The following SIN3A variants were observed in gnomAD, a reference collection of about 807,000 sequenced individuals.
SIN3A encodes the protein SIN3 transcription regulator family member A.
Under a neutral mutation model 146.1 loss-of-function variants are expected in SIN3A, and 14 were observed. The ratio of observed to expected loss-of-function variants is 0.10; its 90% confidence interval spans 0.06 to 0.15. The LOEUF (loss-of-function observed/expected upper bound fraction) is 0.15. Among genes scored for constraint, SIN3A ranks in the 10% least tolerant of loss-of-function variants. The pLI, the probability that SIN3A is intolerant of heterozygous loss-of-function variation, is 1.00. For synonymous variants in SIN3A, 572 were observed against 572.0 expected (o/e 1.00, Z 0.00); for missense variants, 1,028 against 1,576.0 (o/e 0.65, Z 5.89).
chr15:75,410,349 C>T lies in SIN3A; in HGVS notation c.1009-63G>A, dbSNP rs182595182. 2.2e-5 allele frequency: 33 copies of T among 1,506,734 alleles called. No individual in the cohort carries two copies. In the East Asian group the frequency reaches 5.4e-4, roughly 25 times the overall value. The allele number at this position is 1,506,734 out of a possible 1,614,324, so 93.3% of individuals were successfully genotyped here. On this transcript the variant is annotated intron_variant, in intron 6 of 20. Transcript: ENST00000394947. ...CTGTTTTGAGTCACTCATCTTTGCACGCTTTCTGGAATCACTGTTATCTAT... is the reference window on the plus strand; with the variant it reads ...CTGTTTTGAGTCACTCATCTTTGCATGCTTTCTGGAATCACTGTTATCTAT...
intron 1 of SIN3A, among the ~76,000 whole-genome samples, chr15:75,439,642 G>GC (rs1345677571): frequency 2.6e-5 from 4 of 151,840 alleles, no homozygotes; most frequent in Non-Finnish European, 5.9e-5. Context: ...ACCGCACCCG[G>GC]CCATCAATGC....
intron 9 of SIN3A, 73 bp from the exon 10 acceptor site, chr15:75,402,043 G>A: frequency 1.1e-6 from 1 of 946,944 alleles, no homozygotes; most frequent in Non-Finnish European, 1.7e-6. Context: ...GCCTCGCTCT[G>A]TCGCCCAGGA....
At chr15:75,448,808 C>T (rs1473813015) in intron 1 of SIN3A, among the ~76,000 whole-genome samples, 15 of 152,142 alleles carry the variant, frequency 9.9e-5, no homozygotes, top group Non-Finnish European at 1.6e-4. Flanking sequence ...TCTGCTCCCA[C>T]TGAAGATGTA....
At chr15:75,430,487 A>G (rs2073996405) in intron 1 of SIN3A, 79 bp from the exon 2 acceptor site, 2 of 1,122,538 alleles carry the variant, frequency 1.8e-6, no homozygotes, top group East Asian at 2.7e-5. Context: ...CAGTCACCCA[A>G]GTTTAGTAAA....
intron 1 of SIN3A, among the ~76,000 whole-genome samples, chr15:75,431,432 G>A (rs1317934055): frequency 1.3e-5 from 2 of 151,980 alleles, no homozygotes; most frequent in Non-Finnish European, 2.9e-5. Flanking sequence ...ATCTACTTGG[G>A]TCTTCAGAGC....
At position 75,411,688 on chromosome 15, in the gene SIN3A, G is replaced by A. The variant is rs968419127; in HGVS notation, c.812C>T (p.Pro271Leu). 1.1e-5 allele frequency: 17 copies of A among 1,613,430 alleles called. No individual in the cohort carries two copies. Among genetic ancestry groups the A allele is most frequent in the Non-Finnish European group, 1.3e-5 (15 of 1,179,458 alleles). ...CGGCGGAGAACGTGGGGATGCATAC[G>A]GTGGAAGTGGGGGAGTCTGCTGACT... The part of the protein sequence containing the change: ...PASQQTPPLP[P>L]YASPRSPPVQ... The change falls in exon 6 of 21, where the codon CCG becomes CTG. Residue 271 changes from proline to leucine, a missense_variant. By Grantham distance (98) the Pro-to-Leu change is moderately conservative. This residue lies in a region of SIN3A where 112 missense variants were observed against 135.7 expected (regional missense o/e 0.83). Coordinates refer to ENST00000394947, the MANE Select transcript of SIN3A (RefSeq NM_001145358.2).
chr15:75,395,737 A>T (rs558962937), intron 13 of SIN3A, among the ~76,000 whole-genome samples: 1 of 151,710 alleles, frequency 6.6e-6, no homozygotes, highest in South Asian at 2.1e-4. Context: ...CATCTCTATT[A>T]AAAAAAATAA....
chr15:75,424,252 T>G (rs565474688), intron 2 of SIN3A, among the ~76,000 whole-genome samples: 58 of 151,950 alleles, frequency 3.8e-4, no homozygotes, highest in African/African-American at 1.3e-3. Flanking sequence ...CTGACCAACA[T>G]GGAGAAACCC....
In SIN3A at chr15:75,425,505, C is replaced by T. The variant is rs530950099; in HGVS notation, c.190-2682G>A. The stretch of plus-strand genomic sequence containing the variant: ...TTTGCTTATCTTGATTTGCTACGAG[C>T]ACTGTATCTAATGTAAAATAAATTT... On this transcript the variant is annotated intron_variant, in intron 2 of 20. Transcript: ENST00000394947. 2.0e-5 allele frequency among the ~76,000 whole-genome samples: 3 copies of T among 152,270 alleles called. No homozygotes were observed. The South Asian group carries it at 6.2e-4, about 32-fold the overall frequency.
chr15:75,402,199 C>A (rs2073424726), intron 9 of SIN3A, among the ~76,000 whole-genome samples: 1 of 151,970 alleles, frequency 6.6e-6, no homozygotes, highest in Admixed American at 6.6e-5. Context: ...AGCTGCCCTG[C>A]CATTAGTTTT....
intron 13 of SIN3A, 42 bp from the exon 14 acceptor site, chr15:75,394,905 A>C: frequency 1.3e-6 from 2 of 1,574,460 alleles, no homozygotes; most frequent in Non-Finnish European, 1.7e-6. Context: ...ATGGGAATTC[A>C]GAGGGTTTAG....
chr15:75,396,114 C>G, intron 13 of SIN3A, 144 bp downstream of exon 13: 2 of 667,322 alleles, frequency 3.0e-6, no homozygotes, highest in Non-Finnish European at 5.3e-6. Flanking sequence ...AAGTTCCATT[C>G]TGCACCTGAA....
chr15:75,378,935 C>T (rs948475977), intron 19 of SIN3A, among the ~76,000 whole-genome samples: 8 of 151,374 alleles, frequency 5.3e-5, no homozygotes, highest in African/African-American at 7.3e-5. Flanking sequence ...GAGTCTCACT[C>T]GGTCACCCAG....
chr15:75,377,053 C>T (rs1471373522), intron 19 of SIN3A, among the ~76,000 whole-genome samples: 1 of 152,084 alleles, frequency 6.6e-6, no homozygotes, highest in African/African-American at 2.4e-5. Context: ...GTGTTGACAT[C>T]TGCACTGGCA....
intron 1 of SIN3A, among the ~76,000 whole-genome samples, chr15:75,442,534 T>C (rs2141616395): frequency 6.6e-6 from 1 of 150,684 alleles, no homozygotes; most frequent in South Asian, 2.1e-4. Flanking sequence ...TGCCAGTTAC[T>C]TGGGGGAACT....
At chr15:75,398,404 A>G (rs1253867297) in intron 12 of SIN3A, among the ~76,000 whole-genome samples, 1 of 152,198 alleles carries the variant, frequency 6.6e-6, no homozygotes, top group Non-Finnish European at 1.5e-5. Flanking sequence ...GGACAGGCGC[A>G]GTGGCTCACA....
intron 19 of SIN3A, among the ~76,000 whole-genome samples, chr15:75,380,103 T>A (rs1460033920): frequency 6.6e-6 from 1 of 152,244 alleles, no homozygotes; most frequent in African/African-American, 2.4e-5. Flanking sequence ...CCTAGATGAC[T>A]ACATCTCAAT....
intron 16 of SIN3A, among the ~76,000 whole-genome samples, chr15:75,387,829 A>T (rs913380749): frequency 6.6e-6 from 1 of 152,164 alleles, no homozygotes; most frequent in Non-Finnish European, 1.5e-5. Flanking sequence ...AGGGAAGTTA[A>T]GGAAGATTAG....
chr15:75,414,675 A>G (rs1034212437), intron 3 of SIN3A, among the ~76,000 whole-genome samples: 1 of 152,246 alleles, frequency 6.6e-6, no homozygotes, highest in Non-Finnish European at 1.5e-5. Flanking sequence ...CCTCGTCTAT[A>G]GACATTTGTT....
Sources: allele counts gnomAD v4.1 joint callset (sites outside exome capture counted in the v4.1 genomes callset), GRCh38; gene constraint gnomAD v4.1.1; regional missense constraint gnomAD v4.1.1; transcripts MANE v1.5; gene names NCBI Gene and HGNC (gene_info 2026-07-23, HGNC 2026-07-21).